The following TRERF1 variants were observed in gnomAD, a reference collection of about 807,000 sequenced individuals.
TRERF1 encodes the protein transcriptional regulating factor 1.
TRERF1 carries 27 observed loss-of-function variants against 122.9 expected under a neutral mutation model. The observed-to-expected ratio is 0.22, with a 90% CI of 0.16 to 0.30. The LOEUF is 0.30. Among genes scored for constraint, TRERF1 ranks in the 10% least tolerant of loss-of-function variants. The pLI is 1.00. For synonymous variants in TRERF1, 636 were observed against 641.7 expected (o/e 0.99, Z 0.13); for missense variants, 1,248 against 1,560.3 (o/e 0.80, Z 3.37).
intron 2 of TRERF1, among the ~76,000 whole-genome samples, chr6:42,400,232 G>GCACCACTATTACA (rs1413222477): frequency 2.6e-5 from 4 of 152,168 alleles, no homozygotes; most frequent in Non-Finnish European, 5.9e-5. Flanking sequence ...CCTAAATGCA[G>GCACCACTATTACA]CACCACTATT....
intron 2 of TRERF1, among the ~76,000 whole-genome samples, chr6:42,437,580 G>T (rs766227573): frequency 6.6e-6 from 1 of 152,120 alleles, no homozygotes; most frequent in East Asian, 1.9e-4. Flanking sequence ...GGGTTGGCAT[G>T]GTGTTCCTTC....
chr6:42,269,257 C>T lies in TRERF1; in HGVS notation c.334G>A (p.Ala112Thr). The T allele has an allele frequency of 6.2e-7, 1 of 1,614,218 alleles. No individual in the cohort carries two copies. The highest frequency in any genetic ancestry group is 1.3e-5 in the African/African-American group (1 of 75,054). ...TAGCCATCAGTGGGCTCAGCCTGGG[C>T]TGGTGCCCCCCACATCATGTTTGAG... The change falls in exon 5 of 18, where the codon GCC (alanine) becomes ACC (threonine). Residue 112 changes from alanine (A) to threonine (T), a missense_variant. Ala to Thr is a moderately conservative substitution (Grantham distance 58). Around this residue, in one of 5 missense-constraint regions of TRERF1, gnomAD observed 946 missense variants for 1,073.0 expected, o/e 0.88. Transcript: ENST00000372922. The surrounding 1 kb of genome is among the most constrained non-coding windows in gnomAD (Gnocchi z 4.9).
chr6:42,370,088 G>A (rs1053821312), intron 2 of TRERF1, among the ~76,000 whole-genome samples: 2 of 152,140 alleles, frequency 1.3e-5, no homozygotes, highest in African/African-American at 4.8e-5. Context: ...CAAAGAGGCT[G>A]CCTCTGAGGA....
intron 4 of TRERF1, among the ~76,000 whole-genome samples, chr6:42,277,905 GGAAGAAGAAGAAGAA>G (rs70987587): frequency 0.024 from 2,017 of 85,028 alleles, 46 homozygotes; most frequent in Middle Eastern, 0.041. Flanking sequence ...GAAGGAAGAA[GGAAGAAGAAGAAGAA>G]GAAGAAGAAG....
Position 42,263,533 on chromosome 6 carries a change from C to A in TRERF1, c.1671G>T (p.Gln557His), listed in dbSNP as rs775099474. The A allele has an allele frequency of 1.9e-6, 3 of 1,559,498 alleles. No homozygotes were observed. The highest frequency in any genetic ancestry group is 2.6e-6 in the Non-Finnish European group (3 of 1,151,650). ...GCGGAGGCGGAGGCGGCAGTGGTGG[C>A]TGGGGCTGAGGCGGCAGGACCTTCT... Residue 557 changes from glutamine (Q) to histidine (H), a missense_variant, in exon 8 of 18, where the codon CAG (glutamine) becomes CAT (histidine). By Grantham distance (24) the Gln-to-His change is conservative (BLOSUM62 0). This residue lies in a region of TRERF1 where 946 missense variants were observed against 1,073.0 expected (regional missense o/e 0.88). Transcript: ENST00000372922. The surrounding 1 kb of genome is among the most constrained non-coding windows in gnomAD (Gnocchi z 5.6).
chr6:42,267,589 G>A (rs756044859), intron 5 of TRERF1, among the ~76,000 whole-genome samples: 16 of 151,914 alleles, frequency 1.1e-4, no homozygotes, highest in African/African-American at 3.1e-4. Context: ...CCGAGATGGC[G>A]CCATTGCACT....
Position 42,268,260 on chromosome 6 carries a change from A to T in TRERF1, c.1331T>A (p.Val444Asp), listed in dbSNP as rs1014730723. The change falls in exon 5 of 18, where the codon GTC (valine) becomes GAC (aspartate). Residue 444 changes from valine (V) to aspartate (D), a missense_variant. Physicochemically the swap from Val to Asp is radical, Grantham distance 152. This residue lies in a region of TRERF1 where 946 missense variants were observed against 1,073.0 expected (regional missense o/e 0.88). Coordinates refer to ENST00000372922, the Ensembl canonical transcript of TRERF1. This position sits in a 1 kb window ranked among gnomAD's most constrained non-coding sequence, Gnocchi z 4.4. ...GGGGCGATGGGGGAGGGTGCTGCTG[A>T]CCCGGGTCAGATCTGAGCTCGCTGG... 26 of 1,498,028 alleles carry T rather than the reference A, an allele frequency of 1.7e-5. No homozygotes were observed. The highest frequency in any genetic ancestry group is 2.3e-5 in the Non-Finnish European group (26 of 1,124,380). 92.8% of individuals were successfully genotyped at this position (1,498,028 alleles called of 1,614,324 possible).
intron 3 of TRERF1, among the ~76,000 whole-genome samples, chr6:42,303,904 TAAA>T (rs60880174): frequency 6.4e-4 from 44 of 69,256 alleles, no homozygotes; most frequent in Non-Finnish European, 9.4e-4. Flanking sequence ...CACTGTCTCA[TAAA>T]AAAAAAAAAA....
At chr6:42,255,400 A>C (rs190409432) in intron 12 of TRERF1, among the ~76,000 whole-genome samples, 52 of 152,386 alleles carry the variant, frequency 3.4e-4, no homozygotes, top group African/African-American at 1.2e-3. Flanking sequence ...AACTGTTTCA[A>C]ATCAGCCTCG....
At chr6:42,258,033 T>C in intron 10 of TRERF1, 102 bp downstream of exon 10, 1 of 1,002,198 alleles carries the variant, frequency 1.0e-6, no homozygotes, top group Non-Finnish European at 1.5e-6. Context: ...CTACAATTTC[T>C]ACAACTGCTC....
At chr6:42,374,701 G>A (rs375023104) in intron 2 of TRERF1, among the ~76,000 whole-genome samples, 7 of 152,118 alleles carry the variant, frequency 4.6e-5, no homozygotes, top group Non-Finnish European at 7.4e-5. Context: ...AAATGTGAAC[G>A]GCAGTGTTTA....
intron 2 of TRERF1, among the ~76,000 whole-genome samples, chr6:42,372,008 C>A (rs979571325): frequency 2.6e-5 from 4 of 151,990 alleles, no homozygotes; most frequent in Non-Finnish European, 4.4e-5. Context: ...ATGGTGAAAC[C>A]CCGTCTCTAC....
exon 6 of TRERF1, chr6:42,265,792 G>A: frequency 6.2e-7 from 1 of 1,613,114 alleles, no homozygotes; most frequent in Non-Finnish European, 8.5e-7. Flanking sequence ...CATCAGGTAG[G>A]TGCATCTAAT....
chr6:42,423,986 G>C (rs1783235860), intron 2 of TRERF1, among the ~76,000 whole-genome samples: 1 of 152,168 alleles, frequency 6.6e-6, no homozygotes, highest in African/African-American at 2.4e-5. Context: ...ATGCTGTTTG[G>C]AATATTCAAA....
intron 3 of TRERF1, among the ~76,000 whole-genome samples, chr6:42,310,145 C>T (rs111275778): frequency 2.2e-4 from 33 of 152,280 alleles, no homozygotes; most frequent in Middle Eastern, 3.4e-3. Context: ...ACTCTGTCAC[C>T]CAGGCTGGAG....
chr6:42,388,044 C>G (rs1162013816), intron 2 of TRERF1, among the ~76,000 whole-genome samples: 8 of 152,148 alleles, frequency 5.3e-5, no homozygotes, highest in Non-Finnish European at 7.4e-5. Flanking sequence ...GCCTCCACCT[C>G]CCAAAGTGCT....
intron 2 of TRERF1, among the ~76,000 whole-genome samples, chr6:42,391,212 A>G (rs1049844549): frequency 6.6e-6 from 1 of 152,132 alleles, no homozygotes; most frequent in African/African-American, 2.4e-5. Flanking sequence ...CAGGTGCTCA[A>G]TAAATGTTGG....
chr6:42,397,493 A>C (rs1208980997), intron 2 of TRERF1, among the ~76,000 whole-genome samples: 2 of 152,204 alleles, frequency 1.3e-5, no homozygotes, highest in African/African-American at 2.4e-5. Flanking sequence ...CTGCCTGACA[A>C]AATCCCCTAT....
At chr6:42,370,019 T>C (rs1180001373) in intron 2 of TRERF1, among the ~76,000 whole-genome samples, 1 of 152,230 alleles carries the variant, frequency 6.6e-6, no homozygotes, top group African/African-American at 2.4e-5. Context: ...AGTTTTGCTA[T>C]TCCACACACA....
Sources: allele counts gnomAD v4.1 joint callset (sites outside exome capture counted in the v4.1 genomes callset), GRCh38; gene constraint gnomAD v4.1.1; regional missense constraint gnomAD v4.1.1; non-coding constraint Gnocchi (gnomAD v3.1); transcripts MANE v1.5; gene names NCBI Gene and HGNC (gene_info 2026-07-23, HGNC 2026-07-21).